DKK2: variants seen among roughly 807,000 people sequenced by gnomAD.
The protein encoded by DKK2 is dickkopf-related protein 2.
In DKK2, 11 loss-of-function variants were observed where a neutral mutation model predicts 28.1. The observed-to-expected ratio is 0.39, with a 90% confidence interval of 0.25 to 0.65. The LOEUF (loss-of-function observed/expected upper bound fraction) is 0.65. Among genes scored for constraint, DKK2 ranks in the 30% least tolerant of loss-of-function variants. The pLI is 0.47. For synonymous variants in DKK2, 135 were observed against 126.5 expected, an observed-to-expected ratio of 1.07 and a Z score of -0.45; for missense variants, 326 against 335.5, an observed-to-expected ratio of 0.97 and a Z score of 0.22.
intron 1 of DKK2, among the ~76,000 whole-genome samples, chr4:106,982,620 T>A (rs928543789): frequency 6.6e-6 from 1 of 152,220 alleles, no homozygotes; most frequent in African/African-American, 2.4e-5. Flanking sequence ...TAAATTCATG[T>A]CTTCATATAC....
chr4:106,994,727 A>G (rs1371465818), intron 1 of DKK2, among the ~76,000 whole-genome samples: 2 of 152,194 alleles, frequency 1.3e-5, no homozygotes, highest in South Asian at 2.1e-4. Context: ...GGAACTCCCA[A>G]TTAATGCTTT....
At chr4:106,983,761 G>A (rs886219417) in intron 1 of DKK2, among the ~76,000 whole-genome samples, 1 of 152,126 alleles carries the variant, frequency 6.6e-6, no homozygotes, top group Non-Finnish European at 1.5e-5. Context: ...AAATTCAACA[G>A]TAAAAAGGCA....
rs1225565644 is a variant in DKK2 at position 106,925,860 on chromosome 4, C to G, written c.312G>C (p.Arg104=). 3.7e-6 allele frequency: 6 copies of G among 1,606,978 alleles called. No individual in the cohort carries two copies. Among genetic ancestry groups the G allele is most frequent in the African/African-American group, 1.4e-5 (1 of 73,090 alleles). The change falls in exon 2 of 4, where the codon CGG becomes CGC. Residue 104 remains arginine, a synonymous_variant. Coordinates refer to ENST00000285311, the MANE Select transcript of DKK2 (RefSeq NM_014421.3). The part of the protein sequence containing the change: ...HQGSSACMVC[R]RKKKRCHRDG... The stretch of plus-strand genomic sequence containing the variant: ...CTCGGTGGCAGCGCTTCTTTTTTCT[C>G]CGACACACCATGCAGGCCGATGATC...
At chr4:106,962,659 A>C (rs28813431) in intron 1 of DKK2, among the ~76,000 whole-genome samples, 62 of 152,172 alleles carry the variant, frequency 4.1e-4, no homozygotes, top group African/African-American at 1.5e-3. Context: ...AACTACTGGA[A>C]GAAAACATTG....
rs777952332 is a variant in DKK2 at position 106,924,105 on chromosome 4, T to G, written c.629A>C (p.Gln210Pro). ...WTKICKPVLH[Q>P]GEVCTKQRKK... ...GCGTTGTTTGGTACAGACTTCCCCCTGATGGAGCACTGGTTTGCAGATTTT... is the reference window on the plus strand; with the variant it reads ...GCGTTGTTTGGTACAGACTTCCCCCGGATGGAGCACTGGTTTGCAGATTTT... The change falls in exon 4 of 4, where the codon CAG (glutamine) becomes CCG (proline). Residue 210 changes from glutamine (Q) to proline (P), a missense_variant. Transcript: ENST00000285311. 6.2e-7 allele frequency: 1 copy of G among 1,613,894 alleles called. No homozygotes were observed. Among genetic ancestry groups the G allele is most frequent in the African/African-American group, 1.3e-5 (1 of 74,894 alleles).
intron 1 of DKK2, among the ~76,000 whole-genome samples, chr4:106,986,687 C>T (rs1027622649): frequency 1.3e-5 from 2 of 152,188 alleles, no homozygotes; most frequent in Admixed American, 6.5e-5. Context: ...TCAATGAACT[C>T]ATGTCAGAAG....
intron 1 of DKK2, among the ~76,000 whole-genome samples, chr4:107,025,648 G>A (rs747906372): frequency 6.6e-6 from 1 of 152,202 alleles, no homozygotes; most frequent in East Asian, 1.9e-4. Flanking sequence ...TTGCTGTGCA[G>A]ACTTTCCAGC....
chr4:106,992,026 G>T (rs1476429949), intron 1 of DKK2, among the ~76,000 whole-genome samples: 2 of 152,162 alleles, frequency 1.3e-5, no homozygotes, highest in Admixed American at 1.3e-4. Context: ...GATTTTAAAT[G>T]ACAGTCACTT....
chr4:106,983,515 A>C (rs1252908847), intron 1 of DKK2, among the ~76,000 whole-genome samples: 1 of 152,166 alleles, frequency 6.6e-6, no homozygotes, highest in African/African-American at 2.4e-5. Flanking sequence ...AAAGTATGAA[A>C]AGACTTTGGA....
chr4:106,929,190 C>A (rs1398012198), intron 1 of DKK2, among the ~76,000 whole-genome samples: 1 of 152,058 alleles, frequency 6.6e-6, no homozygotes, highest in Non-Finnish European at 1.5e-5. Context: ...ATATGCTTAC[C>A]TGGTACTTAT....
intron 1 of DKK2, among the ~76,000 whole-genome samples, chr4:107,002,514 G>A (rs979287780): frequency 2.0e-5 from 3 of 152,048 alleles, no homozygotes; most frequent in Non-Finnish European, 2.9e-5. Flanking sequence ...AATGGAAAAT[G>A]TTTATCTGCT....
chr4:106,966,856 T>C (rs1003572830), intron 1 of DKK2, among the ~76,000 whole-genome samples: 2 of 152,130 alleles, frequency 1.3e-5, no homozygotes, highest in African/African-American at 4.8e-5. Flanking sequence ...AGACCTACCC[T>C]CATAATTCAA....
At chr4:106,979,249 C>T (rs1722992677) in intron 1 of DKK2, among the ~76,000 whole-genome samples, 1 of 151,946 alleles carries the variant, frequency 6.6e-6, no homozygotes, top group Non-Finnish European at 1.5e-5. Context: ...TCACCCATTA[C>T]CTCATTAAAT....
intron 1 of DKK2, among the ~76,000 whole-genome samples, chr4:106,936,107 CT>C (rs1354487176): frequency 6.6e-6 from 1 of 152,154 alleles, no homozygotes; most frequent in African/African-American, 2.4e-5. Flanking sequence ...TGGAACAAAG[CT>C]GGATGGAGAA....
At chr4:106,945,360 C>A (rs911037026) in intron 1 of DKK2, among the ~76,000 whole-genome samples, 2 of 152,088 alleles carry the variant, frequency 1.3e-5, no homozygotes, top group African/African-American at 4.8e-5. Flanking sequence ...TGGGAACCTC[C>A]CAATAAGAAA....
intron 1 of DKK2, among the ~76,000 whole-genome samples, chr4:107,015,513 A>G (rs1723584901): frequency 6.6e-6 from 1 of 151,686 alleles, no homozygotes; most frequent in African/African-American, 2.4e-5. Context: ...TCTCCCAATT[A>G]GTGGCCTGTT....
chr4:106,943,415 A>G (rs569083976), intron 1 of DKK2, among the ~76,000 whole-genome samples: 1 of 152,288 alleles, frequency 6.6e-6, no homozygotes, highest in East Asian at 1.9e-4. Flanking sequence ...AGTTTGTAGC[A>G]TTAAATTGAC....
In DKK2 at chr4:106,987,741, GTTC is replaced by G. The variant is rs201759634; in HGVS notation, c.222+47626_222+47628del. Among the ~76,000 whole-genome samples, 957 of 152,118 alleles carry G rather than the reference GTTC, an allele frequency of 6.3e-3. 5 individuals carry two copies. The highest frequency in any genetic ancestry group is 0.017 in the Middle Eastern group (5 of 292). ...TTCATACCTTCTGAGGCCCAGTTCA[GTTC>G]TTCATTTGTTTCCTTTAGCTACCTC... On this transcript the variant is annotated intron_variant, in intron 1 of 3. Transcript: ENST00000285311.
chr4:106,929,196 C>T (rs943033059), intron 1 of DKK2, among the ~76,000 whole-genome samples: 1 of 152,086 alleles, frequency 6.6e-6, no homozygotes, highest in African/African-American at 2.4e-5. Context: ...TTACCTGGTA[C>T]TTATTTTAAA....
Sources: gnomAD v4.1 joint callset for allele counts (sites outside exome capture counted in the v4.1 genomes callset) on GRCh38, gnomAD v4.1.1 for gene constraint, MANE v1.5 for transcripts, NCBI Gene and HGNC (gene_info 2026-07-23, HGNC 2026-07-21) for gene names.